TGFBR2: variants seen among roughly 807,000 people sequenced by gnomAD.
TGFBR2 encodes transforming growth factor beta receptor 2, also known as TGF-beta receptor type-2.
Under a neutral mutation model 49.0 loss-of-function variants are expected in TGFBR2, and 18 were observed. That is an observed-to-expected ratio of 0.37 (90% confidence interval 0.25 to 0.54). The LOEUF (loss-of-function observed/expected upper bound fraction) is 0.54. Ranked by LOEUF, TGFBR2 falls within the 20% of genes least tolerant of loss-of-function variation. The pLI is 0.85. For synonymous variants in TGFBR2, 282 were observed against 275.9 expected (o/e 1.02, Z -0.22); for missense variants, 525 against 722.6 (o/e 0.73, Z 3.13).
chr3:30,658,020 A>G (rs1699040732), intron 3 of TGFBR2, among the ~76,000 whole-genome samples: 1 of 152,184 alleles, frequency 6.6e-6, no homozygotes, highest in African/African-American at 2.4e-5. Context: ...ATAACAGGCA[A>G]GATAGTAAAT....
chr3:30,631,484 T>TA, intron 1 of TGFBR2, among the ~76,000 whole-genome samples: 1 of 152,262 alleles, frequency 6.6e-6, no homozygotes, highest in African/African-American at 2.4e-5. Context: ...AGATCAACCT[T>TA]ACACTTTTTC....
At chr3:30,667,028 T>A (rs952230458) in intron 3 of TGFBR2, among the ~76,000 whole-genome samples, 2 of 152,170 alleles carry the variant, frequency 1.3e-5, no homozygotes, top group African/African-American at 4.8e-5. Context: ...AATCAGGCAA[T>A]GCTCATTGTA....
chr3:30,670,566 G>A (rs1310060998), intron 3 of TGFBR2, among the ~76,000 whole-genome samples: 5 of 152,236 alleles, frequency 3.3e-5, no homozygotes, highest in African/African-American at 1.2e-4. Flanking sequence ...AACTAGAGCT[G>A]CCTTTTGCTC....
chr3:30,641,542 C>G lies in TGFBR2; in HGVS notation c.95-3205C>G, dbSNP rs34771216. ...TTTGAAAAAAAATTCTGGTTAAGCT[C>G]TTGCAGTGGTAGCTTCTGCTGTAAC... On this transcript the variant is annotated intron_variant, in intron 1 of 6. Coordinates refer to ENST00000295754, the MANE Select transcript of TGFBR2 (RefSeq NM_003242.6). Among the ~76,000 whole-genome samples the G allele has an allele frequency of 0.29, 44,325 of 151,898 alleles. 7,547 individuals carry two copies. The highest frequency in any genetic ancestry group is 0.68 in the East Asian group (3,525 of 5,148).
intron 3 of TGFBR2, 67 bp from the exon 4 acceptor site, chr3:30,671,570 AC>A (rs974012486): frequency 3.6e-5 from 55 of 1,511,728 alleles, no homozygotes; most frequent in Non-Finnish European, 5.1e-5. Flanking sequence ...TCAGGCATGA[AC>A]CCACTTCCTG....
chr3:30,624,951 G>A (rs1698304104), intron 1 of TGFBR2, among the ~76,000 whole-genome samples: 1 of 152,122 alleles, frequency 6.6e-6, no homozygotes, highest in African/African-American at 2.4e-5. Context: ...ATTAAACAAT[G>A]ACTGGGTTCA....
chr3:30,678,835 G>T (rs1350395786), intron 5 of TGFBR2, among the ~76,000 whole-genome samples: 2 of 152,112 alleles, frequency 1.3e-5, no homozygotes, highest in Non-Finnish European at 2.9e-5. Context: ...TATTGCAGAG[G>T]TGACTATTTG....
intron 3 of TGFBR2, among the ~76,000 whole-genome samples, chr3:30,665,152 G>T (rs771993479): frequency 6.6e-6 from 1 of 152,208 alleles, no homozygotes; most frequent in African/African-American, 2.4e-5. Context: ...TTCACCTAAA[G>T]CGAGAGTATA....
Position 30,626,334 on chromosome 3 carries a change from C to T in TGFBR2, c.95-18413C>T, listed in dbSNP as rs1698330396. On this transcript the variant is annotated intron_variant, in intron 1 of 6. Transcript: ENST00000295754. ...ATCTGCAGAACAGAGCAAATACAGG[C>T]CTATCTAAAAGCATACCTCACAGTA... The T allele has an allele frequency of 2.6e-5, 4 of 152,048 alleles. No individual in the cohort carries two copies. The South Asian group carries it at 8.3e-4, about 32-fold the overall frequency. The allele number at this position is 152,048 out of a possible 1,614,324, so 9.4% of individuals were successfully genotyped here.
At chr3:30,621,904 C>A (rs1266835592) in intron 1 of TGFBR2, among the ~76,000 whole-genome samples, 1 of 152,100 alleles carries the variant, frequency 6.6e-6, no homozygotes, top group African/African-American at 2.4e-5. Flanking sequence ...GTAGTTAGCC[C>A]CCTATGAGCC....
intron 3 of TGFBR2, among the ~76,000 whole-genome samples, chr3:30,651,806 A>G (rs548491117): frequency 8.5e-5 from 13 of 152,220 alleles, no homozygotes; most frequent in South Asian, 2.1e-4. Context: ...AAGCATATGG[A>G]TTTCCGTGTA....
rs575318859 is a variant in TGFBR2, at chr3:30,668,008, A to G, written c.455-3630A>G. Among the ~76,000 whole-genome samples, 27 of 152,260 alleles carry G rather than the reference A, an allele frequency of 1.8e-4. No individual in the cohort carries two copies. The South Asian group carries it at 5.2e-3, about 29-fold the overall frequency. On this transcript the variant is annotated intron_variant, in intron 3 of 6. Coordinates refer to ENST00000295754, the MANE Select transcript of TGFBR2 (RefSeq NM_003242.6). Reference sequence around the variant, plus strand: ...CTGGGCCAGATAAGATCTCTGTTGCATGAACCTCTTAGTTTTATTGTTTTT... The same window carrying G: ...CTGGGCCAGATAAGATCTCTGTTGCGTGAACCTCTTAGTTTTATTGTTTTT...
At position 30,606,829 on chromosome 3, in the gene TGFBR2, A is replaced by G. The variant is rs1697930999; in HGVS notation, c.-55A>G. ...GCGGAGGCGCAGCCAGGGGTCCGGG[A>G]AGGCGCCGTCCGCTGCGCTGGGGGC... On this transcript the variant is annotated 5_prime_UTR_variant, in exon 1 of 7. Coordinates refer to ENST00000295754, the MANE Select transcript of TGFBR2 (RefSeq NM_003242.6). 3 of 1,258,942 alleles carry G rather than the reference A, an allele frequency of 2.4e-6. No homozygotes were observed. Among genetic ancestry groups the G allele is most frequent in the Non-Finnish European group, 3.1e-6 (3 of 968,512 alleles). 78.0% of individuals were successfully genotyped at this position (1,258,942 alleles called of 1,614,324 possible). A position where few individuals can be genotyped will look rare whatever the true frequency, so the allele number is the denominator to read the frequency against.
At chr3:30,636,151 ATGTATG>A (rs1252034006) in intron 1 of TGFBR2, among the ~76,000 whole-genome samples, 42 of 106,864 alleles carry the variant, frequency 3.9e-4, no homozygotes, top group South Asian at 9.4e-4. Context: ...GAAAATATAT[ATGTATG>A]TGTGTGTGTG....
intron 1 of TGFBR2, among the ~76,000 whole-genome samples, chr3:30,609,821 T>C (rs1306120489): frequency 6.6e-6 from 1 of 152,232 alleles, no homozygotes; most frequent in Non-Finnish European, 1.5e-5. Context: ...TCGTGCTTTT[T>C]TTCCGCCTCA....
chr3:30,624,234 A>G (rs1312764187), intron 1 of TGFBR2, among the ~76,000 whole-genome samples: 1 of 152,204 alleles, frequency 6.6e-6, no homozygotes, highest in Admixed American at 6.5e-5. Context: ...TCTAATATTT[A>G]GTCAAATTGC....
chr3:30,639,556 A>G (rs1424591928), intron 1 of TGFBR2, among the ~76,000 whole-genome samples: 1 of 152,190 alleles, frequency 6.6e-6, no homozygotes, highest in African/African-American at 2.4e-5. Flanking sequence ...GCAGGTTAAA[A>G]ATATTCCCAA....
chr3:30,608,982 C>G (rs1281302256), intron 1 of TGFBR2, among the ~76,000 whole-genome samples: 1 of 152,150 alleles, frequency 6.6e-6, no homozygotes, highest in African/African-American at 2.4e-5. Context: ...GTTCTGTTTA[C>G]AAGGATAAGG....
intron 1 of TGFBR2, among the ~76,000 whole-genome samples, chr3:30,609,111 G>GT (rs1697987689): frequency 6.6e-6 from 1 of 152,160 alleles, no homozygotes; most frequent in Non-Finnish European, 1.5e-5. Context: ...TATTTAGACA[G>GT]TTTTACAAGG....
Sources: allele counts gnomAD v4.1 joint callset (sites outside exome capture counted in the v4.1 genomes callset), GRCh38; gene constraint gnomAD v4.1.1; transcripts MANE v1.5; gene names NCBI Gene and HGNC (gene_info 2026-07-23, HGNC 2026-07-21).